The following ARHGAP15 variants were observed in gnomAD, a reference collection of about 807,000 sequenced individuals.
The protein encoded by ARHGAP15 is rho GTPase-activating protein 15.
A neutral mutation model predicts 63.7 loss-of-function variants in ARHGAP15; 51 were observed. The observed-to-expected ratio is 0.80, with a 90% confidence interval of 0.64 to 1.01. The LOEUF is 1.01. ARHGAP15 is among the 50% of genes least tolerant of loss of function. The pLI is 0.00. For synonymous variants in ARHGAP15, 191 were observed against 193.8 expected, an observed-to-expected ratio of 0.99 and a Z score of 0.12; for missense variants, 560 against 564.6, an observed-to-expected ratio of 0.99 and a Z score of 0.08.
intron 9 of ARHGAP15, among the ~76,000 whole-genome samples, chr2:143,491,730 A>T (rs1324383675): frequency 6.6e-6 from 1 of 152,114 alleles, no homozygotes; most frequent in Non-Finnish European, 1.5e-5. Context: ...TATTTAGGGT[A>T]AAAGCTGGTT....
intron 6 of ARHGAP15, among the ~76,000 whole-genome samples, chr2:143,385,716 C>T (rs949546114): frequency 6.6e-6 from 1 of 152,086 alleles, no homozygotes; most frequent in Non-Finnish European, 1.5e-5. Flanking sequence ...TTTGAAGTAC[C>T]ATATTGTTCT....
At chr2:143,435,883 G>A (rs16822546) in intron 7 of ARHGAP15, among the ~76,000 whole-genome samples, 184 bp downstream of exon 7, 16,530 of 151,912 alleles carry the variant, frequency 0.11, 1,231 homozygotes, top group African/African-American at 0.21. Context: ...TAGAACTGTC[G>A]TTTAATTTCT....
At chr2:143,595,993 A>G (rs1196839576) in intron 11 of ARHGAP15, among the ~76,000 whole-genome samples, 2 of 152,114 alleles carry the variant, frequency 1.3e-5, no homozygotes, top group Non-Finnish European at 2.9e-5. Flanking sequence ...TTTTACAGTG[A>G]AGGTACCATC....
intron 6 of ARHGAP15, among the ~76,000 whole-genome samples, chr2:143,307,168 G>T (rs1378999335): frequency 6.6e-6 from 1 of 152,102 alleles, no homozygotes; most frequent in African/African-American, 2.4e-5. Context: ...GGAAGGGCTT[G>T]ATCATCTTTT....
chr2:143,672,449 C>T (rs1457209051), intron 12 of ARHGAP15, among the ~76,000 whole-genome samples: 1 of 152,120 alleles, frequency 6.6e-6, no homozygotes, highest in African/African-American at 2.4e-5. Context: ...TAATAGAAAA[C>T]TCAAATGATG....
At chr2:143,529,499 C>T (rs1185340130) in intron 10 of ARHGAP15, among the ~76,000 whole-genome samples, 1 of 152,090 alleles carries the variant, frequency 6.6e-6, no homozygotes, top group Non-Finnish European at 1.5e-5. Flanking sequence ...TCTTAGAATC[C>T]TCCAATGATT....
rs114774432 is a variant in ARHGAP15 at position 143,220,456 on chromosome 2, T to C, written c.296+4011T>C. On this transcript the variant is annotated intron_variant, in intron 4 of 13. Transcript: ENST00000295095. Reference sequence around the variant, plus strand: ...GAACCCCTGGGCTCAAGAGATCCACTCACCTTGGCCTCACAACGTATTGGG... The same window carrying C: ...GAACCCCTGGGCTCAAGAGATCCACCCACCTTGGCCTCACAACGTATTGGG... 9.5e-3 allele frequency among the ~76,000 whole-genome samples: 1,449 copies of C among 152,248 alleles called. 31 individuals are homozygous for C. The highest frequency in any genetic ancestry group is 0.033 in the African/African-American group (1,374 of 41,538).
At chr2:143,705,421 A>G (rs918533674) in intron 13 of ARHGAP15, among the ~76,000 whole-genome samples, 4 of 152,134 alleles carry the variant, frequency 2.6e-5, no homozygotes, top group African/African-American at 9.7e-5. Flanking sequence ...TCCCATTATG[A>G]TCTCAGGCAA....
chr2:143,547,661 T>G (rs1695388824), intron 10 of ARHGAP15, among the ~76,000 whole-genome samples: 1 of 149,760 alleles, frequency 6.7e-6, no homozygotes, highest in African/African-American at 2.5e-5. Flanking sequence ...GTTTTACTCC[T>G]GTATCCAAAT....
At chr2:143,402,971 T>C (rs1356166906) in intron 6 of ARHGAP15, among the ~76,000 whole-genome samples, 1 of 151,870 alleles carries the variant, frequency 6.6e-6, no homozygotes, top group Non-Finnish European at 1.5e-5. Context: ...GTTTTGTTAA[T>C]TTCAAATATT....
chr2:143,288,577 A>G (rs1682231019), intron 6 of ARHGAP15, among the ~76,000 whole-genome samples: 1 of 151,276 alleles, frequency 6.6e-6, no homozygotes, highest in Admixed American at 6.6e-5. Flanking sequence ...ATTTTCATCC[A>G]CAAGAAAAAT....
At chr2:143,258,190 C>T (rs745464557) in intron 6 of ARHGAP15, among the ~76,000 whole-genome samples, 2 of 151,856 alleles carry the variant, frequency 1.3e-5, no homozygotes, top group Non-Finnish European at 2.9e-5. Context: ...AAATAGATGA[C>T]GCTATTCAGT....
chr2:143,267,342 A>G (rs901461005), intron 6 of ARHGAP15, among the ~76,000 whole-genome samples: 2 of 152,210 alleles, frequency 1.3e-5, no homozygotes, highest in African/African-American at 4.8e-5. Context: ...TAACATAATG[A>G]CTGATTTAAA....
chr2:143,738,813 G>C (rs1685851625), intron 13 of ARHGAP15, among the ~76,000 whole-genome samples: 1 of 152,124 alleles, frequency 6.6e-6, no homozygotes, highest in Admixed American at 6.5e-5. Context: ...CTTAACGCCA[G>C]GTTAAATGTC....
In ARHGAP15 at chr2:143,567,032, C is replaced by A. The variant is rs368324583; in HGVS notation, c.1003+10547C>A. On this transcript the variant is annotated intron_variant, in intron 11 of 13. Transcript: ENST00000295095. ...CTGGGACTACAGGTGCCCGCCACCACGCCTGGCTAATTTTTTGTATTTTTA... is the reference window on the plus strand; with the variant it reads ...CTGGGACTACAGGTGCCCGCCACCAAGCCTGGCTAATTTTTTGTATTTTTA... Among the ~76,000 whole-genome samples the A allele has an allele frequency of 2.4e-3, 361 of 152,072 alleles. 2 individuals are homozygous for A. The highest frequency in any genetic ancestry group is 8.1e-3 in the African/African-American group (338 of 41,476).
chr2:143,399,583 G>C (rs954464840), intron 6 of ARHGAP15, among the ~76,000 whole-genome samples: 2 of 152,008 alleles, frequency 1.3e-5, no homozygotes, highest in African/African-American at 4.8e-5. Flanking sequence ...ACGATTTACA[G>C]GGTTTTCCCA....
chr2:143,513,431 C>T (rs1039498783), intron 9 of ARHGAP15, among the ~76,000 whole-genome samples: 1 of 152,174 alleles, frequency 6.6e-6, no homozygotes. Flanking sequence ...GTCTTATCTC[C>T]ACTTATAACT....
At chr2:143,405,735 T>G (rs1323604597) in intron 6 of ARHGAP15, among the ~76,000 whole-genome samples, 1 of 151,916 alleles carries the variant, frequency 6.6e-6, no homozygotes, top group Non-Finnish European at 1.5e-5. Context: ...AACATACACT[T>G]GACTACATAC....
intron 9 of ARHGAP15, among the ~76,000 whole-genome samples, chr2:143,492,975 G>A (rs968743051): frequency 1.9e-4 from 29 of 150,628 alleles, no homozygotes; most frequent in Non-Finnish European, 2.5e-4. Flanking sequence ...CGAGAATGGC[G>A]TGAACCCCTG....
Sources: allele counts gnomAD v4.1 joint callset (sites outside exome capture counted in the v4.1 genomes callset), GRCh38; gene constraint gnomAD v4.1.1; transcripts MANE v1.5; gene names NCBI Gene and HGNC (gene_info 2026-07-23, HGNC 2026-07-21).